CFAP65: variants seen among roughly 807,000 people sequenced by gnomAD.
CFAP65 encodes cilia and flagella associated protein 65.
Under a neutral mutation model 208.0 loss-of-function variants are expected in CFAP65, and 155 were observed. That is an observed-to-expected ratio of 0.75 (90% CI 0.65 to 0.85). The LOEUF is 0.85. CFAP65 is among the 40% of genes least tolerant of loss of function. The pLI is 0.00. For missense variants in CFAP65, 2,294 were observed against 2,451.3 expected, an observed-to-expected ratio of 0.94 and a Z score of 1.36; for synonymous variants, 970 against 986.3, an observed-to-expected ratio of 0.98 and a Z score of 0.31.
At chr2:219,020,766 G>A (rs562601752) in intron 19 of CFAP65, among the ~76,000 whole-genome samples, 72 of 152,352 alleles carry the variant, frequency 4.7e-4, no homozygotes, top group African/African-American at 1.7e-3. Flanking sequence ...CCAGGATCCA[G>A]TTCCAGAGCC....
chr2:219,027,795 G>T lies in CFAP65; in HGVS notation c.2066C>A (p.Thr689Lys), dbSNP rs769586505. 1 of 1,613,112 alleles carries T rather than the reference G, an allele frequency of 6.2e-7. No individual in the cohort carries two copies. The highest frequency in any genetic ancestry group is 1.7e-5 in the Admixed American group (1 of 60,008). The change falls in exon 13 of 35, where the codon ACG becomes AAG. Residue 689 changes from threonine (T) to lysine (K), a missense_variant. This residue lies in a region of CFAP65 where 867 missense variants were observed against 1,012.6 expected (regional missense o/e 0.86). Coordinates refer to ENST00000341552, the MANE Select transcript of CFAP65 (RefSeq NM_194302.4). ...CCAGAAGGGGCAGTCAGACCTTCGC[G>T]TCCAGACCACCATGATCTTGCCCTT... The part of the protein sequence containing the change: ...HTKGKIMVVW[T>K]RRSDCPFWVT...
Position 219,004,278 on chromosome 2 carries a change from G to T in CFAP65, c.5229C>A (p.Gly1743=), listed in dbSNP as rs757149562. 2 of 1,613,918 alleles carry T rather than the reference G, an allele frequency of 1.2e-6. No individual in the cohort carries two copies. Among genetic ancestry groups the T allele is most frequent in the Middle Eastern group, 3.3e-4 (2 of 6,062 alleles). The change falls in exon 33 of 35, where the codon GGC becomes GGA. Residue 1743 remains glycine, a synonymous_variant. Coordinates refer to ENST00000341552, the MANE Select transcript of CFAP65 (RefSeq NM_194302.4). The surrounding 1 kb of genome is among the most constrained non-coding windows in gnomAD (Gnocchi z 4.7). ...VPSSSWEDGK[G]KQPKEDRPEH... ...CTGGTCTGTCTTCCTTCGGCTGCTT[G>T]CCCTTCCCATCCTCCCAGCTGCTGG...
chr2:219,027,599 C>G (rs1278904828), intron 13 of CFAP65, 51 bp downstream of exon 13: 21 of 1,613,136 alleles, frequency 1.3e-5, no homozygotes, highest in Admixed American at 8.3e-5. Flanking sequence ...CCAAGCCACT[C>G]AGGCTCCTAG....
rs761217695 is a variant in CFAP65 at position 219,027,964 on chromosome 2, T to C, written c.1897A>G (p.Met633Val). Reference protein sequence around the residue: ...PAPQYPYIPPMTEFFFDGTSD... With the variant: ...PAPQYPYIPPVTEFFFDGTSD... Reference sequence around the variant, plus strand: ...GTGCCGTCGAAGAAGAACTCGGTCATGGGGGGGATATAAGGGTACTGCGGG... The same window carrying C: ...GTGCCGTCGAAGAAGAACTCGGTCACGGGGGGGATATAAGGGTACTGCGGG... The change falls in exon 13 of 35, where the codon ATG becomes GTG. Residue 633 changes from methionine to valine, a missense_variant. Physicochemically the swap from Met to Val is conservative, Grantham distance 21 (BLOSUM62 1). This residue lies in a region of CFAP65 where 867 missense variants were observed against 1,012.6 expected (regional missense o/e 0.86). Transcript: ENST00000341552. 40 of 1,515,626 alleles carry C rather than the reference T, an allele frequency of 2.6e-5. No homozygotes were observed. The highest frequency in any genetic ancestry group is 9.3e-5 in the South Asian group (7 of 75,088). 93.9% of individuals were successfully genotyped at this position (1,515,626 alleles called of 1,614,324 possible).
At position 219,031,402 on chromosome 2, in the gene CFAP65, C is replaced by T; in HGVS notation, c.815+87G>A. 1.2e-6 allele frequency: 2 copies of T among 1,608,658 alleles called. No individual in the cohort carries two copies. ...GGGCAGAACCTCAGACTACCCTACC[C>T]CGACAAGGGTATGCCTGTCTCTCCT... is the stretch of plus-strand genomic sequence containing the variant. On this transcript the variant is annotated intron_variant, in intron 7 of 34. Transcript: ENST00000341552. This position sits in a 1 kb window ranked among gnomAD's most constrained non-coding sequence, Gnocchi z 5.2.
At position 219,021,944 on chromosome 2, in the gene CFAP65, T is replaced by A. The variant is rs779019873; in HGVS notation, c.2980-14A>T. 1 of 1,612,632 alleles carries A rather than the reference T, an allele frequency of 6.2e-7. No homozygotes were observed. The highest frequency in any genetic ancestry group is 8.5e-7 in the Non-Finnish European group (1 of 1,179,750). ...CTTTTCCTTTGCCTGGAGGCCACAG[T>A]CAGCCAGCCGGGAGTGGGAGCTCCT... On this transcript the variant is annotated splice_polypyrimidine_tract_variant and intron_variant, in intron 17 of 34. Coordinates refer to ENST00000341552, the MANE Select transcript of CFAP65 (RefSeq NM_194302.4).
At chr2:219,040,049 TTTAA>T (rs781523732) in intron 2 of CFAP65, among the ~76,000 whole-genome samples, 1 of 134,160 alleles carries the variant, frequency 7.5e-6, no homozygotes. Context: ...TATTTATTTA[TTTAA>T]GACAGACTCT....
intron 12 of CFAP65, 22 bp downstream of exon 12, chr2:219,028,179 G>A (rs777387147): frequency 6.2e-7 from 1 of 1,611,458 alleles, no homozygotes; most frequent in Non-Finnish European, 8.5e-7. Flanking sequence ...GAAGGGATAT[G>A]CAGCTGGGGA....
intron 14 of CFAP65, among the ~76,000 whole-genome samples, chr2:219,024,652 T>G (rs1947512925): frequency 6.6e-6 from 1 of 152,160 alleles, no homozygotes; most frequent in Admixed American, 6.5e-5. Context: ...AGTAACCACT[T>G]CGGGCTGGGT....
In CFAP65 at chr2:219,009,563, A is replaced by AGACAAGATGGGATGGGATAGGATGG. The variant is rs1208311873; in HGVS notation, c.4453-128_4453-104dup. 870 of 759,314 alleles carry AGACAAGATGGGATGGGATAGGATGG rather than the reference A, an allele frequency of 1.1e-3. 6 individuals are homozygous for AGACAAGATGGGATGGGATAGGATGG. In the African/African-American group the frequency reaches 0.014, roughly 12 times the overall value. The allele number at this position is 759,314 out of a possible 1,614,324, so 47.0% of individuals were successfully genotyped here. On this transcript the variant is annotated intron_variant, in intron 27 of 34. Coordinates refer to ENST00000341552, the MANE Select transcript of CFAP65 (RefSeq NM_194302.4). ...AGATGGGACAGGATAAGATGAGATG[A>AGACAAGATGGGATGGGATAGGATGG]GACAAGATGGGATGGGATAGGATGG...
chr2:219,014,293 A>T, intron 21 of CFAP65: 1 of 354,376 alleles, frequency 2.8e-6, no homozygotes, highest in Non-Finnish European at 5.1e-6. Flanking sequence ...TGGGGCTCCC[A>T]CTGTGGATGC....
At chr2:219,011,143 T>C (rs2106105326) in intron 24 of CFAP65, 147 bp from the exon 25 acceptor site, 1 of 607,060 alleles carries the variant, frequency 1.6e-6, no homozygotes, top group Non-Finnish European at 2.7e-6. Flanking sequence ...GCTTGATCAC[T>C]CGAGAAGTAT....
chr2:219,006,371 G>A, intron 30 of CFAP65, 94 bp downstream of exon 30: 2 of 1,533,770 alleles, frequency 1.3e-6, no homozygotes, highest in Admixed American at 1.7e-5. Context: ...CTCCTTTCTG[G>A]GAGTCTGGTC....
intron 27 of CFAP65, among the ~76,000 whole-genome samples, chr2:219,009,718 G>A (rs1464290597): frequency 2.4e-5 from 2 of 82,830 alleles, no homozygotes; most frequent in African/African-American, 1.1e-4. Context: ...GGGTGGGATG[G>A]AGTAGAATGG....
chr2:219,012,460 T>A (rs530817361), intron 24 of CFAP65, among the ~76,000 whole-genome samples: 1 of 152,146 alleles, frequency 6.6e-6, no homozygotes, highest in Non-Finnish European at 1.5e-5. Context: ...GTGAACAGAG[T>A]TGGGGATAGG....
At chr2:219,030,309 G>A (rs1455031908) in intron 9 of CFAP65, 101 bp from the exon 10 acceptor site, 2 of 1,209,888 alleles carry the variant, frequency 1.7e-6, no homozygotes, top group South Asian at 1.4e-5. Flanking sequence ...CCAAGGGGGT[G>A]GGGGCAGCTG....
chr2:219,036,156 C>T (rs1948344024), intron 4 of CFAP65, among the ~76,000 whole-genome samples: 1 of 152,236 alleles, frequency 6.6e-6, no homozygotes, highest in African/African-American at 2.4e-5. Context: ...CCTCAATTGG[C>T]TGGTGGGGCA....
chr2:219,013,612 G>A, intron 22 of CFAP65, 27 bp from the exon 23 acceptor site: 2 of 1,574,104 alleles, frequency 1.3e-6, no homozygotes, highest in Middle Eastern at 1.7e-4. Context: ...AAGTCTGGGA[G>A]TGAGTTCTGG....
At chr2:219,005,663 G>A in intron 31 of CFAP65, 101 bp from the exon 32 acceptor site, 1 of 1,418,544 alleles carries the variant, frequency 7.0e-7, no homozygotes, top group South Asian at 1.2e-5. Context: ...GGACACAGAT[G>A]AGTTTGAGGC....
Sources: gnomAD v4.1 joint callset for allele counts (sites outside exome capture counted in the v4.1 genomes callset) on GRCh38, gnomAD v4.1.1 for gene constraint, gnomAD v4.1.1 regional missense constraint, Gnocchi (gnomAD v3.1) non-coding constraint, MANE v1.5 for transcripts, NCBI Gene and HGNC (gene_info 2026-07-23, HGNC 2026-07-21) for gene names.